Variants in AGAP1 observed in about 807,000 individuals in gnomAD.
The protein encoded by AGAP1 is ArfGAP with GTPase domain, ankyrin repeat and PH domain 1.
Under a neutral mutation model 105.3 loss-of-function variants are expected in AGAP1, and 29 were observed. That is an observed-to-expected ratio of 0.28 (90% CI 0.21 to 0.38). The LOEUF is 0.38. AGAP1 is among the 10% of genes least tolerant of loss of function. The pLI is 1.00. For synonymous variants in AGAP1, 509 were observed against 485.9 expected (o/e 1.05, Z -0.63); for missense variants, 998 against 1,165.1 (o/e 0.86, Z 2.09).
At chr2:235,511,050 G>T (rs923497272) in intron 1 of AGAP1, among the ~76,000 whole-genome samples, 6 of 152,142 alleles carry the variant, frequency 3.9e-5, no homozygotes, top group Admixed American at 3.3e-4. Context: ...GAGGACATTT[G>T]GCCATGTCTG....
chr2:235,835,925 A>G (rs1231491129), intron 9 of AGAP1, among the ~76,000 whole-genome samples: 2 of 152,346 alleles, frequency 1.3e-5, no homozygotes, highest in African/African-American at 2.4e-5. Flanking sequence ...GGATTCCGCC[A>G]TATTTTGTAT....
chr2:235,972,597 G>A (rs1044807015), intron 13 of AGAP1, among the ~76,000 whole-genome samples: 4 of 152,142 alleles, frequency 2.6e-5, no homozygotes, highest in Admixed American at 6.5e-5. Flanking sequence ...TGTGGTGACC[G>A]GGAAGGTGAG....
At chr2:236,031,628 C>G (rs1214481831) in intron 13 of AGAP1, among the ~76,000 whole-genome samples, 14 of 152,188 alleles carry the variant, frequency 9.2e-5, no homozygotes. Context: ...GGGCCACATT[C>G]AAGGGCCTGA....
intron 1 of AGAP1, among the ~76,000 whole-genome samples, chr2:235,525,617 T>A (rs1477368115): frequency 1.5e-5 from 2 of 136,030 alleles, no homozygotes; most frequent in Admixed American, 7.3e-5. Context: ...GAGGACTGAT[T>A]TATAAAGTAG....
chr2:235,972,730 A>G (rs1483149463), intron 13 of AGAP1, among the ~76,000 whole-genome samples: 1 of 152,162 alleles, frequency 6.6e-6, no homozygotes, highest in Non-Finnish European at 1.5e-5. Context: ...CAGGACCAAG[A>G]CAAAACCAAC....
rs1256937260 is a variant in AGAP1, at chr2:235,931,126, T to C, written c.1483+203T>C. Among the ~76,000 whole-genome samples the C allele has an allele frequency of 6.6e-6, 1 of 152,208 alleles. No homozygotes were observed. The highest frequency in any genetic ancestry group is 1.5e-5 in the Non-Finnish European group (1 of 68,038). On this transcript the variant is annotated intron_variant, in intron 12 of 17. Transcript: ENST00000304032. This position sits in a 1 kb window ranked among gnomAD's most constrained non-coding sequence, Gnocchi z 5.6. The stretch of plus-strand genomic sequence containing the variant: ...AGGCTGTCTTGCCCCTGTCATCTCA[T>C]CTGTTCCTCTTTGGCACAGGGAGGA...
chr2:235,808,369 G>A (rs569367643), intron 9 of AGAP1, among the ~76,000 whole-genome samples: 2 of 152,348 alleles, frequency 1.3e-5, no homozygotes, highest in African/African-American at 4.8e-5. Flanking sequence ...CCTTAAAAAG[G>A]GGAGAGTCTT....
At position 235,543,859 on chromosome 2, in the gene AGAP1, C is replaced by G. The variant is rs570124942; in HGVS notation, c.163+49010C>G. ...TACTTTGGGGTATCCAGGGGCAACA[C>G]GTGCCCTCTAAAAGCATAGACCTGT... On this transcript the variant is annotated intron_variant, in intron 1 of 17. Coordinates refer to ENST00000304032, the MANE Select transcript of AGAP1 (RefSeq NM_001037131.3). Among the ~76,000 whole-genome samples, 7 of 152,290 alleles carry G rather than the reference C, an allele frequency of 4.6e-5. No individual in the cohort carries two copies. In the South Asian group the frequency reaches 1.5e-3, roughly 32 times the overall value.
chr2:236,122,694 T>C (rs1258564800), intron 17 of AGAP1, among the ~76,000 whole-genome samples: 1 of 149,386 alleles, frequency 6.7e-6, no homozygotes. Context: ...TTTTTTTTTT[T>C]TTTTTTGAGA....
chr2:235,823,172 TTATG>T (rs1435208521), intron 9 of AGAP1, among the ~76,000 whole-genome samples: 34 of 152,000 alleles, frequency 2.2e-4, no homozygotes, highest in Admixed American at 7.2e-4. Flanking sequence ...ATATGTAAAT[TTATG>T]TAACATATTA....
Position 235,908,726 on chromosome 2 carries a change from C to T in AGAP1, c.1156-12C>T. 1 of 1,556,788 alleles carries T rather than the reference C, an allele frequency of 6.4e-7. No individual in the cohort carries two copies. The highest frequency in any genetic ancestry group is 8.7e-7 in the Non-Finnish European group (1 of 1,146,402). ...TTTTTTATCTCTCTTGGATGTTTAA[C>T]ATTTTCAACAGGATTACATGCAGAA... On this transcript the variant is annotated splice_polypyrimidine_tract_variant and intron_variant, in intron 10 of 17. Coordinates refer to ENST00000304032, the MANE Select transcript of AGAP1 (RefSeq NM_001037131.3). This position sits in a 1 kb window ranked among gnomAD's most constrained non-coding sequence, Gnocchi z 4.4.
intron 16 of AGAP1, among the ~76,000 whole-genome samples, chr2:236,118,198 G>A (rs954878464): frequency 2.0e-5 from 3 of 152,050 alleles, no homozygotes; most frequent in South Asian, 2.1e-4. Context: ...TGGGTAATGA[G>A]TTTTCTTTCT....
intron 1 of AGAP1, among the ~76,000 whole-genome samples, chr2:235,564,176 T>G (rs1357779110): frequency 2.0e-5 from 3 of 152,234 alleles, no homozygotes; most frequent in African/African-American, 7.2e-5. Context: ...CTGGCCTTTA[T>G]CCATCGAATC....
Position 236,050,616 on chromosome 2 carries a change from AATG to A in AGAP1, c.2114+1338_2114+1340del, listed in dbSNP as rs140500547. Among the ~76,000 whole-genome samples the A allele has an allele frequency of 0.02, 3,091 of 152,350 alleles. 56 individuals are homozygous for A. Among genetic ancestry groups the A allele is most frequent in the Middle Eastern group, 0.088 (26 of 294 alleles). On this transcript the variant is annotated intron_variant, in intron 16 of 17. Transcript: ENST00000304032. The surrounding 1 kb of genome is among the most constrained non-coding windows in gnomAD (Gnocchi z 4.0). ...TTTTAATATCTATTTTTTCACAGAT[AATG>A]ATAACATTGGAGGAAACTTGGGTCT... is the stretch of plus-strand genomic sequence containing the variant.
rs1017665711 is a variant in AGAP1 at position 235,721,687 on chromosome 2, G to A, written c.310+4043G>A. 2.6e-5 allele frequency among the ~76,000 whole-genome samples: 4 copies of A among 152,110 alleles called. No homozygotes were observed. The highest frequency in any genetic ancestry group is 1.9e-4 in the East Asian group (1 of 5,184). ...GGTTGAATCTGTTCTATGTCTGTGC[G>A]GTTCTGATTTAATTAGTGTGTGCAT... On this transcript the variant is annotated intron_variant, in intron 3 of 17. Transcript: ENST00000304032. This position sits in a 1 kb window ranked among gnomAD's most constrained non-coding sequence, Gnocchi z 4.5.
intron 6 of AGAP1, among the ~76,000 whole-genome samples, chr2:235,759,362 G>T (rs370251064): frequency 1.3e-5 from 2 of 150,966 alleles, no homozygotes; most frequent in Admixed American, 1.3e-4. Context: ...GTAGAGACGG[G>T]CTTTCACCGT....
At chr2:235,838,956 T>C (rs1215688002) in intron 9 of AGAP1, among the ~76,000 whole-genome samples, 1 of 152,218 alleles carries the variant, frequency 6.6e-6, no homozygotes, top group Non-Finnish European at 1.5e-5. Flanking sequence ...CGCTCGGGAA[T>C]TTCAGTTGGA....
At chr2:235,781,925 G>A (rs139040615) in intron 6 of AGAP1, among the ~76,000 whole-genome samples, 15 of 152,264 alleles carry the variant, frequency 9.9e-5, no homozygotes, top group African/African-American at 3.1e-4. Flanking sequence ...TTGAAGCTAC[G>A]TCTTCATGCA....
At chr2:235,592,335 G>T (rs1026637946) in intron 1 of AGAP1, among the ~76,000 whole-genome samples, 7 of 151,780 alleles carry the variant, frequency 4.6e-5, no homozygotes, top group African/African-American at 1.7e-4. Context: ...GGTGAAGGAG[G>T]AGTAGATGAG....
Sources: allele counts gnomAD v4.1 joint callset (sites outside exome capture counted in the v4.1 genomes callset), GRCh38; gene constraint gnomAD v4.1.1; non-coding constraint Gnocchi (gnomAD v3.1); transcripts MANE v1.5; gene names NCBI Gene and HGNC (gene_info 2026-07-23, HGNC 2026-07-21).